SMARCA4: variants seen among roughly 807,000 people sequenced by gnomAD.
SMARCA4 encodes SWI/SNF-related matrix-associated actin-dependent regulator of chromatin subfamily A member 4.
Under a neutral mutation model 193.9 loss-of-function variants are expected in SMARCA4, and 31 were observed. The ratio of observed to expected loss-of-function variants is 0.16; its 90% confidence interval spans 0.12 to 0.22. The LOEUF (loss-of-function observed/expected upper bound fraction) is 0.22, where lower values mean the gene tolerates loss of function less well. SMARCA4 is among the 10% of genes least tolerant of loss of function. The pLI, the probability that SMARCA4 is intolerant of heterozygous loss-of-function variation, is 1.00. For missense variants in SMARCA4, 1,148 were observed against 2,296.0 expected, an observed-to-expected ratio of 0.50 and a Z score of 10.22; for synonymous variants, 942 against 933.1, an observed-to-expected ratio of 1.01 and a Z score of -0.17.
intron 29 of SMARCA4, among the ~76,000 whole-genome samples, chr19:11,035,492 G>A (rs2075213983): frequency 6.6e-6 from 1 of 152,256 alleles, no homozygotes; most frequent in South Asian, 2.1e-4. Context: ...GCACAAGGGT[G>A]AATCATGGAC....
At chr19:11,007,429 CAA>C (rs1188457080) in intron 13 of SMARCA4, among the ~76,000 whole-genome samples, 28 of 56,132 alleles carry the variant, frequency 5.0e-4, no homozygotes, top group Middle Eastern at 0.017. Context: ...CACTTCGTCT[CAA>C]AAAAAAAAAA....
In SMARCA4 at chr19:10,969,327, G is replaced by T. The variant is rs1457743019; in HGVS notation, c.-32+8153G>T. Among the ~76,000 whole-genome samples the T allele has an allele frequency of 3.9e-5, 6 of 152,168 alleles. No homozygotes were observed. In the East Asian group the frequency reaches 7.7e-4, roughly 20 times the overall value. ...GGTCTTGATGTTATCTCCCAGGCTG[G>T]TCTTGAACCCCTTGGCTCAAAGGAT... On this transcript the variant is annotated intron_variant, in intron 1 of 34. Coordinates refer to ENST00000344626, the MANE Select transcript of SMARCA4 (RefSeq NM_003072.5).
intron 6 of SMARCA4, among the ~76,000 whole-genome samples, chr19:10,988,593 C>G (rs901565996): frequency 2.0e-5 from 3 of 152,200 alleles, no homozygotes; most frequent in African/African-American, 7.2e-5. Flanking sequence ...TGCCCCAGGA[C>G]CTTTGCACAG....
chr19:10,992,156 G>A (rs1363256376), intron 8 of SMARCA4, among the ~76,000 whole-genome samples: 4 of 150,068 alleles, frequency 2.7e-5, no homozygotes. Context: ...GTGTCACTGA[G>A]GCTGGAGTGC....
At position 11,031,617 on chromosome 19, in the gene SMARCA4, G is replaced by A. The variant is rs1218284018; in HGVS notation, c.3546+724G>A. 6.6e-6 allele frequency: 1 copy of A among 152,420 alleles called. No homozygotes were observed. Among genetic ancestry groups the A allele is most frequent in the Non-Finnish European group, 1.5e-5 (1 of 68,240 alleles). 9.4% of individuals were successfully genotyped at this position (152,420 alleles called of 1,614,324 possible). On this transcript the variant is annotated intron_variant, in intron 25 of 34. Coordinates refer to ENST00000344626, the MANE Select transcript of SMARCA4 (RefSeq NM_003072.5). The surrounding 1 kb of genome is among the most constrained non-coding windows in gnomAD (Gnocchi z 4.3). ...GTGCCTCTTCCACCAAGCAGTGGGTGTCAACCGCCGAGTGCACATCGGAAG... is the reference window on the plus strand; with the variant it reads ...GTGCCTCTTCCACCAAGCAGTGGGTATCAACCGCCGAGTGCACATCGGAAG...
rs1267513562 is a variant in SMARCA4 at position 11,041,490 on chromosome 19, T to C, written c.4354T>C (p.Ser1452Pro). ...CGGGCGGCCGCCTGCCGAGAAACTC[T>C]CCCCTAACCCACCCAACCTCACCAA... Reference protein sequence around the residue: ...KRGRPPAEKLSPNPPNLTKKM... With the variant: ...KRGRPPAEKLPPNPPNLTKKM... The change falls in exon 30 of 35, where the codon TCC becomes CCC. Residue 1452 changes from serine to proline, a missense_variant. Physicochemically the swap from Ser to Pro is moderately conservative, Grantham distance 74. This residue lies in a region of SMARCA4 where 141 missense variants were observed against 193.0 expected (regional missense o/e 0.73). Transcript: ENST00000344626. This position sits in a 1 kb window ranked among gnomAD's most constrained non-coding sequence, Gnocchi z 5.6. The C allele has an allele frequency of 2.5e-6, 4 of 1,613,712 alleles. No individual in the cohort carries two copies. The South Asian group carries it at 3.3e-5, about 13-fold the overall frequency.
At chr19:11,010,195 C>T (rs1017056930) in intron 14 of SMARCA4, among the ~76,000 whole-genome samples, 186 bp from the exon 15 acceptor site, 1 of 152,152 alleles carries the variant, frequency 6.6e-6, no homozygotes, top group African/African-American at 2.4e-5. Context: ...AGTCTGGACC[C>T]CTCAGGCTTA....
intron 1 of SMARCA4, among the ~76,000 whole-genome samples, chr19:10,963,976 A>G (rs924966757): frequency 2.6e-5 from 4 of 152,192 alleles, no homozygotes; most frequent in African/African-American, 9.6e-5. Flanking sequence ...TTAGGAAAGT[A>G]ATAAATGGTT....
At chr19:11,022,609 G>A (rs1173900236) in intron 19 of SMARCA4, among the ~76,000 whole-genome samples, 6 of 152,220 alleles carry the variant, frequency 3.9e-5, no homozygotes, top group South Asian at 4.1e-4. Context: ...AGATGCTGAA[G>A]TGTGGGCAGA....
At chr19:11,038,056 G>A (rs866472107) in intron 29 of SMARCA4, among the ~76,000 whole-genome samples, 2 of 152,186 alleles carry the variant, frequency 1.3e-5, no homozygotes, top group African/African-American at 2.4e-5. Context: ...TCCTATGGCC[G>A]CCATCGGACA....
In SMARCA4 at chr19:11,027,898, C is replaced by T. The variant is rs758884930; in HGVS notation, c.3330C>T (p.Thr1110=). The change falls in exon 24 of 35, where the codon ACC becomes ACT. Residue 1110 remains threonine, a synonymous_variant. Coordinates refer to ENST00000344626, the MANE Select transcript of SMARCA4 (RefSeq NM_003072.5). ...LLFCQMTSLM[T]IMEDYFAYRG... Reference sequence around the variant, plus strand: ...TCTGCCAAATGACCTCCCTCATGACCATCATGGAAGATTACTTTGCGTATC... The same window carrying T: ...TCTGCCAAATGACCTCCCTCATGACTATCATGGAAGATTACTTTGCGTATC... 2.5e-6 allele frequency: 4 copies of T among 1,614,060 alleles called. No individual in the cohort carries two copies. In the Admixed American group the frequency reaches 5.0e-5, roughly 20 times the overall value.
In SMARCA4 at chr19:11,058,391, G is replaced by T. The variant is rs760913532; in HGVS notation, c.4533+28G>T. ...AACCCTGACGTTGTACCTGCGCCCC[G>T]CATGTGCCCGGAGGGGAGTCTGACC... On this transcript the variant is annotated intron_variant, in intron 31 of 34. Coordinates refer to ENST00000344626, the MANE Select transcript of SMARCA4 (RefSeq NM_003072.5). The surrounding 1 kb of genome is among the most constrained non-coding windows in gnomAD (Gnocchi z 5.8). 1.0e-5 allele frequency: 15 copies of T among 1,488,326 alleles called. No individual in the cohort carries two copies. In the African/African-American group the frequency reaches 1.4e-4, roughly 14 times the overall value. 92.2% of individuals were successfully genotyped at this position (1,488,326 alleles called of 1,614,324 possible). A position where few individuals can be genotyped will look rare whatever the true frequency, so the allele number is the denominator to read the frequency against.
At chr19:10,969,467 G>A (rs1278706038) in intron 1 of SMARCA4, among the ~76,000 whole-genome samples, 1 of 150,660 alleles carries the variant, frequency 6.6e-6, no homozygotes, top group Non-Finnish European at 1.5e-5. Context: ...TTTGTCTCTT[G>A]TTGCCCAGGC....
At chr19:10,995,385 G>A (rs539529367) in intron 9 of SMARCA4, 4 of 468,886 alleles carry the variant, frequency 8.5e-6, no homozygotes, top group South Asian at 6.2e-5. Context: ...GCGTGTTCTG[G>A]GCCAGGTGCT....
chr19:10,997,812 G>T (rs574596636), intron 11 of SMARCA4, among the ~76,000 whole-genome samples: 1 of 152,162 alleles, frequency 6.6e-6, no homozygotes, highest in African/African-American at 2.4e-5. Context: ...AAATGCAGAC[G>T]TGACAGCGCC....
chr19:10,963,370 C>CAAAAAAAAAA (rs755616481), intron 1 of SMARCA4, among the ~76,000 whole-genome samples: 2 of 53,096 alleles, frequency 3.8e-5, no homozygotes, highest in Admixed American at 2.2e-4. Context: ...AAGACTGTCT[C>CAAAAAAAAAA]AAAAAAAAAA....
chr19:11,015,782 G>A (rs971424235), intron 16 of SMARCA4, among the ~76,000 whole-genome samples: 11 of 152,004 alleles, frequency 7.2e-5, no homozygotes, highest in African/African-American at 1.7e-4. Flanking sequence ...CGAGGCAGGC[G>A]GATCACCTGA....
At chr19:10,961,480 C>T (rs950605297) in intron 1 of SMARCA4, 1 of 152,050 alleles carries the variant, frequency 6.6e-6, no homozygotes, top group African/African-American at 2.4e-5. Context: ...AGCTCGCCCC[C>T]CTCGCCCGGC....
In SMARCA4 at chr19:11,047,185, A is replaced by G. The variant is rs550771408; in HGVS notation, c.4424+5625A>G. ...GAGCCCTAGCGGTTGTTACGCTTGC[A>G]GTTATGATTTATTACAGTGCAAGGC... is the stretch of plus-strand genomic sequence containing the variant. On this transcript the variant is annotated intron_variant, in intron 30 of 34. Transcript: ENST00000344626. Among the ~76,000 whole-genome samples, 11 of 152,218 alleles carry G rather than the reference A, an allele frequency of 7.2e-5. No homozygotes were observed. The South Asian group carries it at 2.3e-3, about 32-fold the overall frequency.
Sources: allele counts gnomAD v4.1 joint callset (sites outside exome capture counted in the v4.1 genomes callset), GRCh38; gene constraint gnomAD v4.1.1; regional missense constraint gnomAD v4.1.1; non-coding constraint Gnocchi (gnomAD v3.1); transcripts MANE v1.5; gene names NCBI Gene and HGNC (gene_info 2026-07-23, HGNC 2026-07-21).